INTS6: variants seen among roughly 807,000 people sequenced by gnomAD.
The protein encoded by INTS6 is DEAD box protein.
A neutral mutation model predicts 104.9 loss-of-function variants in INTS6; 16 were observed. The observed-to-expected ratio is 0.15, with a 90% CI of 0.10 to 0.23. The LOEUF (loss-of-function observed/expected upper bound fraction) is 0.23, where lower values mean the gene tolerates loss of function less well. INTS6 is among the 10% of genes least tolerant of loss of function. The pLI, the probability that INTS6 is intolerant of heterozygous loss-of-function variation, is 1.00. For missense variants in INTS6, 584 were observed against 1,062.8 expected, an observed-to-expected ratio of 0.55 and a Z score of 6.26; for synonymous variants, 324 against 358.7, an observed-to-expected ratio of 0.90 and a Z score of 1.09.
At chr13:51,367,059 A>G (rs1431855393) in intron 17 of INTS6, among the ~76,000 whole-genome samples, 1 of 152,000 alleles carries the variant, frequency 6.6e-6, no homozygotes, top group Non-Finnish European at 1.5e-5. Flanking sequence ...AGGCCTCCCT[A>G]TGAACACTAA....
At chr13:51,342,178 C>CAAAAAAAAAAA in the INTS6 span, among the ~76,000 whole-genome samples, 26 of 63,322 alleles carry the variant, frequency 4.1e-4, no homozygotes, top group East Asian at 1.1e-3. Context: ...AAAGACAGAA[C>CAAAAAAAAAAA]AAAAAAAAAA....
intron 4 of INTS6, among the ~76,000 whole-genome samples, chr13:51,409,437 G>A (rs1272866571): frequency 2.6e-5 from 4 of 151,678 alleles, no homozygotes; most frequent in Admixed American, 2.6e-4. Flanking sequence ...TTAAATGTTG[G>A]CTTTGGACAG....
intron 4 of INTS6, among the ~76,000 whole-genome samples, chr13:51,401,893 AT>A (rs1956447874): frequency 2.6e-5 from 4 of 152,328 alleles, no homozygotes; most frequent in African/African-American, 9.6e-5. Flanking sequence ...TTGAATTAAT[AT>A]TAAAAAAACT....
At chr13:51,369,423 C>CAAATAATAAT in intron 15 of INTS6, 113 bp from the exon 16 acceptor site, 1 of 1,035,626 alleles carries the variant, frequency 9.7e-7, no homozygotes, top group South Asian at 1.7e-5. Context: ...TTGACTAATG[C>CAAATAATAAT]AAGTTAACAA....
At position 51,369,330 on chromosome 13, in the gene INTS6, GA is replaced by G; in HGVS notation, c.2105-21del. On this transcript the variant is annotated intron_variant, in intron 15 of 17. Transcript: ENST00000311234. ...CTGAAACTAAAAACAAAGATACGGG[GA>G]AAAAATTATGGGATCCAGTCTCAAA... is the stretch of plus-strand genomic sequence containing the variant. The G allele has an allele frequency of 3.8e-6, 6 of 1,577,236 alleles. No homozygotes were observed. The highest frequency in any genetic ancestry group is 5.2e-6 in the Non-Finnish European group (6 of 1,161,810).
chr13:51,421,415 C>T (rs911843869), intron 4 of INTS6: 8 of 549,134 alleles, frequency 1.5e-5, no homozygotes, highest in Middle Eastern at 9.1e-4. Context: ...AAAGACAGAG[C>T]GTGGGGAAAA....
chr13:51,409,443 G>A (rs1313265578), intron 4 of INTS6, among the ~76,000 whole-genome samples: 1 of 151,684 alleles, frequency 6.6e-6, no homozygotes, highest in Non-Finnish European at 1.5e-5. Context: ...GTTGGCTTTG[G>A]ACAGATATTA....
chr13:51,384,612 T>C (rs1332046761), intron 7 of INTS6: 1 of 456,628 alleles, frequency 2.2e-6, no homozygotes, highest in Admixed American at 2.3e-5. Flanking sequence ...GTACAATTTG[T>C]TTCTTCTCCC....
At chr13:51,370,140 G>A (rs576173503) in intron 15 of INTS6, among the ~76,000 whole-genome samples, 2 of 152,184 alleles carry the variant, frequency 1.3e-5, no homozygotes, top group African/African-American at 4.8e-5. Context: ...TCGATTCCAT[G>A]ATTTGCAAAC....
At chr13:51,398,982 G>A (rs1956388467) in intron 4 of INTS6, among the ~76,000 whole-genome samples, 1 of 152,114 alleles carries the variant, frequency 6.6e-6, no homozygotes, top group African/African-American at 2.4e-5. Context: ...TTCACAAGTT[G>A]AATGCCTTTG....
At chr13:51,338,524 CA>C in the INTS6 span, among the ~76,000 whole-genome samples, 1 of 151,820 alleles carries the variant, frequency 6.6e-6, no homozygotes, top group Non-Finnish European at 1.5e-5. Flanking sequence ...GATGAATGGA[CA>C]GATGGATTGA....
At position 51,378,332 on chromosome 13, in the gene INTS6, T is replaced by C; in HGVS notation, c.1509A>G (p.Gln503=). Reference sequence around the variant, plus strand: ...CATCCTCTGAAATTCCCTGGAGGAGTTGTTGAAAATCTTTCCTATATGCCA... The same window carrying C: ...CATCCTCTGAAATTCCCTGGAGGAGCTGTTGAAAATCTTTCCTATATGCCA... The part of the protein sequence containing the change: ...LSMAYRKDFQ[Q]LLQGISEDVP... Residue 503 remains glutamine, a synonymous_variant, in exon 12 of 18, where the codon CAA becomes CAG. Coordinates refer to ENST00000311234, the MANE Select transcript of INTS6 (RefSeq NM_012141.3). 4 of 1,613,420 alleles carry C rather than the reference T, an allele frequency of 2.5e-6. No individual in the cohort carries two copies. The highest frequency in any genetic ancestry group is 2.5e-6 in the Non-Finnish European group (3 of 1,179,458).
intron 4 of INTS6, among the ~76,000 whole-genome samples, chr13:51,410,425 T>C (rs758809563): frequency 1.2e-4 from 19 of 152,172 alleles, no homozygotes; most frequent in Non-Finnish European, 4.4e-5. Context: ...CACAAAAACA[T>C]GGCTAATTGA....
In INTS6 at chr13:51,361,735, C is replaced by G. The variant is rs996209152; in HGVS notation, c.*4017G>C. 4.6e-6 allele frequency: 6 copies of G among 1,313,178 alleles called. No homozygotes were observed. Among genetic ancestry groups the G allele is most frequent in the Non-Finnish European group, 6.2e-6 (6 of 966,470 alleles). The allele number at this position is 1,313,178 out of a possible 1,614,324, so 81.3% of individuals were successfully genotyped here. On this transcript the variant is annotated 3_prime_UTR_variant, in exon 18 of 18. Coordinates refer to ENST00000311234, the MANE Select transcript of INTS6 (RefSeq NM_012141.3). ...ATGCTTTGATTTCTTAAAAAATTAA[C>G]TTACTTCATAACCAATAGTTATTTT...
chr13:51,366,561 A>G (rs1440718175), intron 17 of INTS6, among the ~76,000 whole-genome samples: 1 of 151,994 alleles, frequency 6.6e-6, no homozygotes, highest in Non-Finnish European at 1.5e-5. Flanking sequence ...AATAGCCACC[A>G]TAATACTACA....
At chr13:51,379,070 T>C (rs1385250877) in intron 11 of INTS6, among the ~76,000 whole-genome samples, 2 of 152,000 alleles carry the variant, frequency 1.3e-5, no homozygotes, top group African/African-American at 4.8e-5. Context: ...TTCAGTGTTT[T>C]CTACAAACAT....
chr13:51,387,999 C>T (rs560046931), intron 6 of INTS6, among the ~76,000 whole-genome samples: 12 of 152,062 alleles, frequency 7.9e-5, no homozygotes, highest in African/African-American at 2.9e-4. Context: ...TCATTTTAAC[C>T]GAAGCCTAAA....
At chr13:51,342,226 G>A in the INTS6 span, among the ~76,000 whole-genome samples, 3 of 148,182 alleles carry the variant, frequency 2.0e-5, no homozygotes, top group East Asian at 4.0e-4. Context: ...GCGGCCTCAC[G>A]TTCATTCAAA....
Position 51,395,492 on chromosome 13 carries a change from A to AG in INTS6, c.430-10dup. ...TTAAGAGGTAAATGAAGCTGAAAGT[A>AG]GGGGGGAAAAACAGTAATAAGAATT... On this transcript the variant is annotated splice_polypyrimidine_tract_variant and intron_variant, in intron 4 of 17. Coordinates refer to ENST00000311234, the MANE Select transcript of INTS6 (RefSeq NM_012141.3). The AG allele has an allele frequency of 1.9e-6, 3 of 1,603,334 alleles. No homozygotes were observed. Among genetic ancestry groups the AG allele is most frequent in the Middle Eastern group, 1.7e-4 (1 of 6,008 alleles).
Sources: gnomAD v4.1 joint callset for allele counts (sites outside exome capture counted in the v4.1 genomes callset) on GRCh38, gnomAD v4.1.1 for gene constraint, MANE v1.5 for transcripts, NCBI Gene and HGNC (gene_info 2026-07-23, HGNC 2026-07-21) for gene names.